The following MYH15 variants were observed in gnomAD, a reference collection of about 807,000 sequenced individuals.
The protein encoded by MYH15 is myosin heavy chain 15.
MYH15 carries 227 observed loss-of-function variants against 240.5 expected under a neutral mutation model. The ratio of observed to expected loss-of-function variants is 0.94; its 90% confidence interval spans 0.85 to 1.05. MYH15 has a LOEUF of 1.05. MYH15 is among the 50% of genes least tolerant of loss of function. The probability of loss-of-function intolerance (pLI) is 0.00; values close to 1 mark genes in which losing one functional copy is unlikely to be tolerated. For synonymous variants in MYH15, 785 were observed against 796.7 expected (o/e 0.99, Z 0.25); for missense variants, 2,217 against 2,247.5 (o/e 0.99, Z 0.27).
intron 33 of MYH15, among the ~76,000 whole-genome samples, chr3:108,401,379 G>A (rs778995155): frequency 9.6e-5 from 8 of 83,026 alleles, no homozygotes; most frequent in Admixed American, 2.1e-4. Flanking sequence ...AAATGTGACC[G>A]TCTGCAAGCC....
At chr3:108,512,698 A>AT (rs1292544068), upstream of MYH15, among the ~76,000 whole-genome samples, 1 of 152,138 alleles carries the variant, frequency 6.6e-6, no homozygotes, top group Admixed American at 6.6e-5. Context: ...TAATTAACAG[A>AT]TTTTTTACAA....
intron 28 of MYH15, among the ~76,000 whole-genome samples, chr3:108,420,472 C>T (rs1022559647): frequency 6.6e-6 from 1 of 152,166 alleles, no homozygotes; most frequent in African/African-American, 2.4e-5. Flanking sequence ...AACCCTTATC[C>T]CCAAGTCTTT....
intron 1 of MYH15, among the ~76,000 whole-genome samples, chr3:108,519,063 T>C (rs1487955962): frequency 6.6e-6 from 1 of 152,144 alleles, no homozygotes; most frequent in Non-Finnish European, 1.5e-5. Flanking sequence ...TTAAGCATGA[T>C]GCTATACTTC....
chr3:108,457,919 AGCTACACAGGAG>A (rs1374299419), intron 18 of MYH15, among the ~76,000 whole-genome samples: 2 of 152,190 alleles, frequency 1.3e-5, no homozygotes, highest in Non-Finnish European at 2.9e-5. Context: ...CTGTAGTCCC[AGCTACACAGGAG>A]GCTGAGGTAC....
At chr3:108,484,120 A>G (rs936696728) in intron 11 of MYH15, among the ~76,000 whole-genome samples, 17 of 152,338 alleles carry the variant, frequency 1.1e-4, no homozygotes, top group Admixed American at 2.6e-4. Context: ...TATAAAATTT[A>G]AAAAAGTAGT....
intron 34 of MYH15, 87 bp downstream of exon 34, chr3:108,398,988 T>G: frequency 1.3e-6 from 2 of 1,487,300 alleles, no homozygotes; most frequent in Non-Finnish European, 1.9e-6. Flanking sequence ...TCATCTTTAC[T>G]GCTGAACACA....
At chr3:108,446,943 A>G (rs2107572944) in intron 21 of MYH15, among the ~76,000 whole-genome samples, 1 of 152,344 alleles carries the variant, frequency 6.6e-6, no homozygotes, top group South Asian at 2.1e-4. Flanking sequence ...GATCTTAAAA[A>G]AAAGTTTAGT....
rs191550365 is a variant in MYH15, at chr3:108,408,545, G to C, written c.4496-141C>G. On this transcript the variant is annotated intron_variant, in intron 31 of 40. Coordinates refer to ENST00000693548, the MANE Select transcript of MYH15 (RefSeq NM_014981.3). ...GTAACTTGATGACCTATCCTATATGGGACCGAGAAATTTTAAAAGGGTATT... is the reference window on the plus strand; with the variant it reads ...GTAACTTGATGACCTATCCTATATGCGACCGAGAAATTTTAAAAGGGTATT... 1.1e-5 allele frequency: 8 copies of C among 742,796 alleles called. No homozygotes were observed. The African/African-American group carries it at 1.5e-4, about 14-fold the overall frequency. 46.0% of individuals were successfully genotyped at this position (742,796 alleles called of 1,614,324 possible). A position where few individuals can be genotyped will look rare whatever the true frequency, so the allele number is the denominator to read the frequency against.
intron 3 of MYH15, among the ~76,000 whole-genome samples, chr3:108,500,769 C>G (rs572379068): frequency 1.3e-5 from 2 of 152,302 alleles, no homozygotes; most frequent in Non-Finnish European, 1.5e-5. Context: ...AAAAAATAGT[C>G]TTTACAAATG....
rs777874794 is a variant in MYH15, at chr3:108,410,730, G to A, written c.4348C>T (p.Gln1450Ter). ...AACGCCTGGGACTCCTCGTGCTTCT[G>A]CTTCCAGTCGGCAAGGGCCTTGCCA... ...QSGKALADWK[Q>*]KHEESQALLD... Residue 1450 changes from glutamine (Q) to a stop codon, truncating the protein, a stop_gained, in exon 31 of 41, where the codon CAG becomes TAG. Coordinates refer to ENST00000693548, the MANE Select transcript of MYH15 (RefSeq NM_014981.3). LOFTEE classifies it high-confidence loss of function. 1 of 1,614,128 alleles carries A rather than the reference G, an allele frequency of 6.2e-7. No homozygotes were observed. Among genetic ancestry groups the A allele is most frequent in the South Asian group, 1.1e-5 (1 of 91,086 alleles).
At position 108,383,582 on chromosome 3, in the gene MYH15, A is replaced by G. The variant is rs1024388366; in HGVS notation, c.5766+13T>C. The G allele has an allele frequency of 1.2e-6, 2 of 1,612,082 alleles. No homozygotes were observed. Among genetic ancestry groups the G allele is most frequent in the Non-Finnish European group, 1.7e-6 (2 of 1,178,904 alleles). Reference sequence around the variant, plus strand: ...GATTAAAGAGTTAGAACAGAGTTGAATATCTGCCATACCTTTTTCCCAAAC... The same window carrying G: ...GATTAAAGAGTTAGAACAGAGTTGAGTATCTGCCATACCTTTTTCCCAAAC... On this transcript the variant is annotated intron_variant, in intron 40 of 40. Coordinates refer to ENST00000693548, the MANE Select transcript of MYH15 (RefSeq NM_014981.3).
At chr3:108,490,518 C>T (rs1190563557) in intron 9 of MYH15, among the ~76,000 whole-genome samples, 1 of 152,210 alleles carries the variant, frequency 6.6e-6, no homozygotes, top group Non-Finnish European at 1.5e-5. Flanking sequence ...AAATGGTCTG[C>T]CATGGCCTGC....
Position 108,428,789 on chromosome 3 carries a change from C to G in MYH15, c.3405G>C (p.Leu1135=). 2 of 1,613,976 alleles carry G rather than the reference C, an allele frequency of 1.2e-6. No homozygotes were observed. The highest frequency in any genetic ancestry group is 1.7e-6 in the Non-Finnish European group (2 of 1,179,986). Residue 1135 remains leucine (L), a synonymous_variant, in exon 27 of 41, where the codon CTG becomes CTC. Transcript: ENST00000693548. ...ERERADLTQD[L]ADLNERLEEV... ...CCTCCAGCCTCTCATTCAAGTCAGC[C>G]AGGTCTTGGGTGAGGTCAGCTCTCT...
chr3:108,528,241 C>T (rs952195705), intron 1 of MYH15, among the ~76,000 whole-genome samples: 8 of 151,940 alleles, frequency 5.3e-5, no homozygotes, highest in Admixed American at 1.3e-4. Flanking sequence ...GCACCCAGAA[C>T]AGGTTATTTA....
rs1268054279 is a variant in MYH15, at chr3:108,437,608, T to G, written c.3167A>C (p.Glu1056Ala). Residue 1056 changes from glutamate to alanine, a missense_variant, in exon 25 of 41, where the codon GAA (glutamate) becomes GCA (alanine). Transcript: ENST00000693548. ...GCTGCTTTCCAGGTTCTCCATACTT[T>G]CCCGATTCAGCTTTAAATTGCCCTC... ...KLEGNLKLNR[E>A]SMENLESSQR... is the part of the protein sequence containing the mutation. 1 of 1,614,080 alleles carries G rather than the reference T, an allele frequency of 6.2e-7. No individual in the cohort carries two copies. Among genetic ancestry groups the G allele is most frequent in the South Asian group, 1.1e-5 (1 of 91,064 alleles).
At chr3:108,469,200 G>C (rs2083149192) in intron 14 of MYH15, among the ~76,000 whole-genome samples, 1 of 152,228 alleles carries the variant, frequency 6.6e-6, no homozygotes. Context: ...GGAGAGGTCA[G>C]TTGCCCTAGC....
At position 108,492,514 on chromosome 3, in the gene MYH15, T is replaced by G. The variant is rs772074722; in HGVS notation, c.857A>C (p.Gln286Pro). ...YHIFYQILSGQKELHDLLLVS... is the reference protein window; with the variant it reads ...YHIFYQILSGPKELHDLLLVS... ...CCTACACTTACCATGAAGCTCTTTT[T>G]GTCCAGATAGAATTTGATAGAATAT... is the stretch of plus-strand genomic sequence containing the variant. Residue 286 changes from glutamine to proline, a missense_variant, in exon 9 of 41, where the codon CAA becomes CCA. Transcript: ENST00000693548. The G allele has an allele frequency of 6.2e-6, 10 of 1,611,956 alleles. No individual in the cohort carries two copies. In the Admixed American group the frequency reaches 1.5e-4, roughly 24 times the overall value.
intron 29 of MYH15, among the ~76,000 whole-genome samples, chr3:108,415,948 T>C (rs2082629599): frequency 6.6e-6 from 1 of 152,202 alleles, no homozygotes; most frequent in African/African-American, 2.4e-5. Context: ...TTTAAGTTCC[T>C]TCACAGTACA....
intron 28 of MYH15, among the ~76,000 whole-genome samples, chr3:108,418,101 T>G (rs746588990): frequency 1.1e-4 from 17 of 152,196 alleles, no homozygotes; most frequent in Admixed American, 4.6e-4. Flanking sequence ...TTGTTCATTT[T>G]TGAGAAATCA....
Sources: allele counts gnomAD v4.1 joint callset (sites outside exome capture counted in the v4.1 genomes callset), GRCh38; gene constraint gnomAD v4.1.1; transcripts MANE v1.5; gene names NCBI Gene and HGNC (gene_info 2026-07-23, HGNC 2026-07-21).